Variants in ZNF318 observed in about 807,000 individuals in gnomAD.
ZNF318 encodes zinc finger protein 318, also known as endocrine regulator.
A neutral mutation model predicts 124.2 loss-of-function variants in ZNF318; 51 were observed. The ratio of observed to expected loss-of-function variants is 0.41; its 90% confidence interval spans 0.33 to 0.52. ZNF318 has a LOEUF of 0.52. ZNF318 is among the 20% of genes least tolerant of loss of function. The pLI, the probability that ZNF318 is intolerant of heterozygous loss-of-function variation, is 0.23. For missense variants in ZNF318, 2,815 were observed against 2,811.2 expected (o/e 1.00, Z -0.03); for synonymous variants, 1,090 against 1,040.7 (o/e 1.05, Z -0.91).
intron 5 of ZNF318, 68 bp downstream of exon 5, chr6:43,352,309 G>A (rs1779540844): frequency 1.3e-5 from 14 of 1,053,512 alleles, no homozygotes; most frequent in South Asian, 1.7e-5. Flanking sequence ...GAACCTGTGT[G>A]AGAGTACCAA....
chr6:43,340,477 T>A lies in ZNF318; in HGVS notation c.3521A>T (p.Tyr1174Phe), dbSNP rs756234342. The A allele has an allele frequency of 1.2e-6, 2 of 1,604,324 alleles. No homozygotes were observed. Among genetic ancestry groups the A allele is most frequent in the Non-Finnish European group, 1.7e-6 (2 of 1,177,136 alleles). Reference sequence around the variant, plus strand: ...GCGGTCCAGATTCCGCCGCTCCTCATATAATGGGTTTTCATCCACATATTT... The same window carrying A: ...GCGGTCCAGATTCCGCCGCTCCTCAAATAATGGGTTTTCATCCACATATTT... ...YKKYVDENPLYEERRNLDRQA... is the reference protein window; with the variant it reads ...YKKYVDENPLFEERRNLDRQA... The change falls in exon 10 of 10, where the codon TAT (tyrosine) becomes TTT (phenylalanine). Residue 1174 changes from tyrosine (Y) to phenylalanine (F), a missense_variant. Tyr to Phe is a conservative substitution (Grantham distance 22, BLOSUM62 3). Transcript: ENST00000361428.
Position 43,365,311 on chromosome 6 carries a change from T to G in ZNF318, c.529A>C (p.Asn177His). 6.2e-7 allele frequency: 1 copy of G among 1,614,130 alleles called. No individual in the cohort carries two copies. The highest frequency in any genetic ancestry group is 8.5e-7 in the Non-Finnish European group (1 of 1,179,972). Reference protein sequence around the residue: ...LSDRLGSPVDNLEDMDRDDLT... With the variant: ...LSDRLGSPVDHLEDMDRDDLT... ...GCCTACCTGTCCATGTCTTCCAGAT[T>G]ATCCACTGGTGACCCCAGCCGATCA... Residue 177 changes from asparagine (N) to histidine (H), a missense_variant, in exon 2 of 10, where the codon AAT (asparagine) becomes CAT (histidine). Coordinates refer to ENST00000361428, the MANE Select transcript of ZNF318 (RefSeq NM_014345.3).
rs1779807855 is a variant in ZNF318, at chr6:43,369,420, C to G, written c.-55G>C. Reference sequence around the variant, plus strand: ...CTCTGACCCGGGGGCGCCCTAGACGCAGGCTCGGAGCGCGCCGCCGCAGCT... The same window carrying G: ...CTCTGACCCGGGGGCGCCCTAGACGGAGGCTCGGAGCGCGCCGCCGCAGCT... On this transcript the variant is annotated 5_prime_UTR_variant, in exon 1 of 10. Transcript: ENST00000361428. 8.6e-7 allele frequency: 1 copy of G among 1,157,978 alleles called. No individual in the cohort carries two copies. The highest frequency in any genetic ancestry group is 4.0e-5 in the East Asian group (1 of 25,116). The allele number at this position is 1,157,978 out of a possible 1,614,324, so 71.7% of individuals were successfully genotyped here. A position where few individuals can be genotyped will look rare whatever the true frequency, so the allele number is the denominator to read the frequency against.
At position 43,337,731 on chromosome 6, in the gene ZNF318, T is replaced by C; in HGVS notation, c.6267A>G (p.Arg2089=). The change falls in exon 10 of 10, where the codon CGA becomes CGG. Residue 2089 remains arginine (R), a synonymous_variant. Coordinates refer to ENST00000361428, the MANE Select transcript of ZNF318 (RefSeq NM_014345.3). The part of the protein sequence containing the change: ...LVLDFETEGE[R]NSPNPRSVRI... ...TAACACTCCTGGGATTAGGTGAGTT[T>C]CGTTCACCCTCTGTCTCAAAGTCAA... is the stretch of plus-strand genomic sequence containing the variant. 6.2e-7 allele frequency: 1 copy of C among 1,614,176 alleles called. No individual in the cohort carries two copies. Among genetic ancestry groups the C allele is most frequent in the Non-Finnish European group, 8.5e-7 (1 of 1,180,028 alleles).
intron 5 of ZNF318, among the ~76,000 whole-genome samples, chr6:43,349,509 G>A (rs1779498379): frequency 6.6e-6 from 1 of 151,500 alleles, no homozygotes; most frequent in African/African-American, 2.4e-5. Context: ...ACAGGTGTGA[G>A]CCACCACACC....
chr6:43,367,170 C>A (rs910310562), intron 1 of ZNF318, among the ~76,000 whole-genome samples: 1 of 152,162 alleles, frequency 6.6e-6, no homozygotes, highest in African/African-American at 2.4e-5. Flanking sequence ...ACTTCTTAGT[C>A]CTTCTTAGTA....
At chr6:43,352,258 A>ACCACCATCATC (rs1554194966) in intron 5 of ZNF318, 119 bp downstream of exon 5, 46 of 742,272 alleles carry the variant, frequency 6.2e-5, no homozygotes, top group South Asian at 2.8e-4. Context: ...TGTAAGTTTA[A>ACCACCATCATC]TTACGTCAAA....
Position 43,357,619 on chromosome 6 carries a change from T to C in ZNF318, c.695A>G (p.His232Arg), listed in dbSNP as rs1417263018. The stretch of plus-strand genomic sequence containing the variant: ...GATATGGGGACTATAATCAGATCGA[T>C]GCAGGAAAGTTTCTTTTGTTCGGTA... ...EDYRTKETFL[H>R]RSDYSPHISC... Residue 232 changes from histidine to arginine, a missense_variant, in exon 3 of 10, where the codon CAT (histidine) becomes CGT (arginine). This residue lies in a region of ZNF318 where 1,377 missense variants were observed against 1,353.5 expected (regional missense o/e 1.02). Transcript: ENST00000361428. 1.2e-6 allele frequency: 2 copies of C among 1,614,102 alleles called. No homozygotes were observed. Among genetic ancestry groups the C allele is most frequent in the East Asian group, 2.2e-5 (1 of 44,872 alleles).
chr6:43,348,064 C>G (rs920514459), intron 6 of ZNF318, among the ~76,000 whole-genome samples: 1 of 152,026 alleles, frequency 6.6e-6, no homozygotes, highest in African/African-American at 2.4e-5. Context: ...AGATCAGAAG[C>G]CAGATAGGAG....
chr6:43,337,262 T>C lies in ZNF318; in HGVS notation c.6736A>G (p.Arg2246Gly). 6.2e-7 allele frequency: 1 copy of C among 1,614,190 alleles called. No homozygotes were observed. Among genetic ancestry groups the C allele is most frequent in the Non-Finnish European group, 8.5e-7 (1 of 1,180,024 alleles). Residue 2246 changes from arginine (R) to glycine (G), a missense_variant, in exon 10 of 10, where the codon AGG becomes GGG. Around this residue, in one of 4 missense-constraint regions of ZNF318, gnomAD observed 927 missense variants for 820.6 expected, o/e 1.13. Transcript: ENST00000361428. ...VKAPVSRSPPREQVIEDNMVP... is the reference protein window; with the variant it reads ...VKAPVSRSPPGEQVIEDNMVP... ...ATATTGTCTTCAATTACCTGCTCCC[T>C]TGGAGGGGACCTTGACACTGGAGCT...
At position 43,339,807 on chromosome 6, in the gene ZNF318, A is replaced by T; in HGVS notation, c.4191T>A (p.Ala1397=). Residue 1397 remains alanine, a synonymous_variant, in exon 10 of 10, where the codon GCT becomes GCA. Coordinates refer to ENST00000361428, the MANE Select transcript of ZNF318 (RefSeq NM_014345.3). The surrounding 1 kb of genome is among the most constrained non-coding windows in gnomAD (Gnocchi z 4.2). ...TGATGTCTGGAGGTAAGAGGAGATCAGCTGAAGACTCTTTAACCACTGGCA... is the reference window on the plus strand; with the variant it reads ...TGATGTCTGGAGGTAAGAGGAGATCTGCTGAAGACTCTTTAACCACTGGCA... ...KPLPVVKESS[A]DLLLPPDIIS... The T allele has an allele frequency of 6.2e-7, 1 of 1,614,220 alleles. No individual in the cohort carries two copies. The highest frequency in any genetic ancestry group is 8.5e-7 in the Non-Finnish European group (1 of 1,180,034).
intron 2 of ZNF318, among the ~76,000 whole-genome samples, chr6:43,359,442 T>C (rs1779652560): frequency 6.6e-6 from 1 of 152,288 alleles, no homozygotes; most frequent in East Asian, 1.9e-4. Context: ...AAATCACAGA[T>C]AGAAATAAAG....
chr6:43,367,232 A>G (rs999769234), intron 1 of ZNF318, among the ~76,000 whole-genome samples: 1 of 151,366 alleles, frequency 6.6e-6, no homozygotes, highest in African/African-American at 2.4e-5. Context: ...TTATTATCCA[A>G]CTCTCCCTGC....
chr6:43,338,700 T>A lies in ZNF318; in HGVS notation c.5298A>T (p.Lys1766Asn), dbSNP rs765444978. 4 of 1,614,188 alleles carry A rather than the reference T, an allele frequency of 2.5e-6. No homozygotes were observed. Among genetic ancestry groups the A allele is most frequent in the Non-Finnish European group, 3.4e-6 (4 of 1,180,036 alleles). Residue 1766 changes from lysine to asparagine, a missense_variant, in exon 10 of 10, where the codon AAA becomes AAT. Around this residue, in one of 4 missense-constraint regions of ZNF318, gnomAD observed 927 missense variants for 820.6 expected, o/e 1.13. Coordinates refer to ENST00000361428, the MANE Select transcript of ZNF318 (RefSeq NM_014345.3). ...NQDKESQELRKSEDCRESEIE... is the reference protein window; with the variant it reads ...NQDKESQELRNSEDCRESEIE... ...TCTCACTTTCTCTACAATCCTCAGATTTACGGAGCTCTTGGCTTTCCTTAT... is the reference window on the plus strand; with the variant it reads ...TCTCACTTTCTCTACAATCCTCAGAATTACGGAGCTCTTGGCTTTCCTTAT...
rs1426498396 is a variant in ZNF318, at chr6:43,354,240, ATTAACT to A, written c.2670+418_2670+423del. ...TTCAATTATCAAGCAACAACTAGTT[ATTAACT>A]TTAACTCATAATCATTACAGGGTAA... On this transcript the variant is annotated intron_variant, in intron 4 of 9. Transcript: ENST00000361428. Among the ~76,000 whole-genome samples the A allele has an allele frequency of 1.3e-4, 20 of 152,342 alleles. No homozygotes were observed. In the South Asian group the frequency reaches 1.7e-3, roughly 13 times the overall value.
At chr6:43,346,181 CAAAAAAAAAA>C (rs150168420) in intron 6 of ZNF318, among the ~76,000 whole-genome samples, 9,277 of 72,182 alleles carry the variant, frequency 0.13, 473 homozygotes, top group Middle Eastern at 0.23. Context: ...GACTCTGTTT[CAAAAAAAAAA>C]AAAAAAAAAA....
In ZNF318 at chr6:43,339,560, G is replaced by C. The variant is rs763325018; in HGVS notation, c.4438C>G (p.Pro1480Ala). Residue 1480 changes from proline (P) to alanine (A), a missense_variant, in exon 10 of 10, where the codon CCA (proline) becomes GCA (alanine). Transcript: ENST00000361428. This position sits in a 1 kb window ranked among gnomAD's most constrained non-coding sequence, Gnocchi z 4.2. ...GGGCTGAGAGTCTGAGATACAACTG[G>C]GTTTGATTTTACTGGAGCCAAGATA... Reference protein sequence around the residue: ...NAILAPVKSNPVVSQTLSPGF... With the variant: ...NAILAPVKSNAVVSQTLSPGF... 16 of 1,612,922 alleles carry C rather than the reference G, an allele frequency of 9.9e-6. No homozygotes were observed. The highest frequency in any genetic ancestry group is 1.4e-5 in the Non-Finnish European group (16 of 1,179,762).
rs1779589216 is a variant in ZNF318 at position 43,355,342 on chromosome 6, G to A, written c.1992C>T (p.Phe664=). 6.2e-7 allele frequency: 1 copy of A among 1,614,054 alleles called. No individual in the cohort carries two copies. The highest frequency in any genetic ancestry group is 1.7e-5 in the Admixed American group (1 of 59,998). The stretch of plus-strand genomic sequence containing the variant: ...GATCTGAGGAACGTCGATCAGCTGA[G>A]AAGCAGTGGTCAACTGAGGAACAGC... ...ADRCSSVDHC[F]SADRRSSDPH... Residue 664 remains phenylalanine (F), a synonymous_variant, in exon 4 of 10, where the codon TTC becomes TTT. Transcript: ENST00000361428.
chr6:43,357,208 C>T lies in ZNF318; in HGVS notation c.1106G>A (p.Arg369Gln), dbSNP rs369973421. Residue 369 changes from arginine to glutamine, a missense_variant, in exon 3 of 10, where the codon CGG becomes CAG. Physicochemically the swap from Arg to Gln is conservative, Grantham distance 43 (BLOSUM62 1). Coordinates refer to ENST00000361428, the MANE Select transcript of ZNF318 (RefSeq NM_014345.3). The part of the protein sequence containing the change: ...TASEPGYSLH[R>Q]PEEVSVMPKK... ...GGGCATCACAGATACTTCCTCAGGCCGATGCAAAGAATATCCTGGCTCCGA... is the reference window on the plus strand; with the variant it reads ...GGGCATCACAGATACTTCCTCAGGCTGATGCAAAGAATATCCTGGCTCCGA... The T allele has an allele frequency of 7.4e-6, 12 of 1,614,122 alleles. No homozygotes were observed. Among genetic ancestry groups the T allele is most frequent in the South Asian group, 2.2e-5 (2 of 91,078 alleles).
Sources: gnomAD v4.1 joint callset for allele counts (sites outside exome capture counted in the v4.1 genomes callset) on GRCh38, gnomAD v4.1.1 for gene constraint, gnomAD v4.1.1 regional missense constraint, Gnocchi (gnomAD v3.1) non-coding constraint, MANE v1.5 for transcripts, NCBI Gene and HGNC (gene_info 2026-07-23, HGNC 2026-07-21) for gene names.